The following RBFOX1 variants were observed in gnomAD, a reference collection of about 807,000 sequenced individuals.
RBFOX1 encodes the protein RNA binding protein fox-1 homolog 1.
RBFOX1 carries 8 observed loss-of-function variants against 57.7 expected under a neutral mutation model. The observed-to-expected ratio is 0.14, with a 90% CI of 0.08 to 0.25. RBFOX1 has a LOEUF of 0.25. RBFOX1 is among the 10% of genes least tolerant of loss of function. The probability of loss-of-function intolerance (pLI) is 1.00; values close to 1 mark genes in which losing one functional copy is unlikely to be tolerated. For missense variants in RBFOX1, 611 were observed against 548.5 expected, an observed-to-expected ratio of 1.11 and a Z score of -1.14; for synonymous variants, 326 against 222.4, an observed-to-expected ratio of 1.47 and a Z score of -4.15.
At chr16:6,256,357 G>T (rs1404194703) in intron 1 of RBFOX1, among the ~76,000 whole-genome samples, 2 of 147,256 alleles carry the variant, frequency 1.4e-5, no homozygotes, top group Non-Finnish European at 3.0e-5. Context: ...TCCAAGAAGG[G>T]GAAGAGGTTG....
rs2083429732 is a variant in RBFOX1 at position 7,709,089 on chromosome 16, C to T, written c.1029C>T (p.His343=). The change falls in exon 15 of 16, where the codon CAC becomes CAT. Residue 343 remains histidine, a synonymous_variant. Transcript: ENST00000550418. ...YGRVYAADPY[H]HALAPAPTYG... ...GAGTTTATGCTGCCGACCCCTACCA[C>T]CACGCACTTGCTCCAGCCCCCACCT... 1 of 1,613,672 alleles carries T rather than the reference C, an allele frequency of 6.2e-7. No homozygotes were observed. Among genetic ancestry groups the T allele is most frequent in the African/African-American group, 1.3e-5 (1 of 75,016 alleles).
chr16:6,370,626 T>C (rs898764063), intron 2 of RBFOX1, among the ~76,000 whole-genome samples: 1 of 152,096 alleles, frequency 6.6e-6, no homozygotes, highest in Non-Finnish European at 1.5e-5. Flanking sequence ...TTCAGGTACC[T>C]AGGATAGTCA....
chr16:5,378,828 C>T (rs2066057417), intron 1 of RBFOX1, among the ~76,000 whole-genome samples: 1 of 151,608 alleles, frequency 6.6e-6, no homozygotes, highest in African/African-American at 2.4e-5. Flanking sequence ...ACAGTAGGTG[C>T]TTAGAAAATG....
intron 3 of RBFOX1, among the ~76,000 whole-genome samples, chr16:7,042,715 C>A (rs2046572799): frequency 6.6e-6 from 1 of 152,168 alleles, no homozygotes; most frequent in Non-Finnish European, 1.5e-5. Flanking sequence ...CATTTGAGGT[C>A]AGGAGTTCAA....
intron 2 of RBFOX1, among the ~76,000 whole-genome samples, chr16:5,583,358 T>G (rs138595329): frequency 0.013 from 1,961 of 152,354 alleles, 40 homozygotes; most frequent in African/African-American, 0.044. Context: ...TCTGTAATAA[T>G]AGCTGAGTGT....
chr16:7,693,144 A>G (rs1297442449), intron 14 of RBFOX1, among the ~76,000 whole-genome samples: 1 of 152,102 alleles, frequency 6.6e-6, no homozygotes, highest in Non-Finnish European at 1.5e-5. Context: ...AGGTCCCCGC[A>G]TGCTTATTTC....
At chr16:7,628,738 G>C (rs967254461) in intron 10 of RBFOX1, among the ~76,000 whole-genome samples, 8 of 151,976 alleles carry the variant, frequency 5.3e-5, no homozygotes, top group African/African-American at 1.9e-4. Context: ...TCAGTCTCCT[G>C]AGTAGCTGGA....
chr16:5,472,682 C>T (rs1387823607), intron 2 of RBFOX1, among the ~76,000 whole-genome samples: 1 of 152,190 alleles, frequency 6.6e-6, no homozygotes, highest in Non-Finnish European at 1.5e-5. Context: ...TTCACAGCGC[C>T]TTCCCTGTTT....
intron 4 of RBFOX1, among the ~76,000 whole-genome samples, chr16:7,162,714 G>A (rs775078770): frequency 6.6e-6 from 1 of 152,148 alleles, no homozygotes; most frequent in Non-Finnish European, 1.5e-5. Flanking sequence ...GGGTAACAGA[G>A]TGAGACCGTA....
intron 11 of RBFOX1, among the ~76,000 whole-genome samples, chr16:7,651,701 T>G (rs2065098342): frequency 6.6e-6 from 1 of 152,176 alleles, no homozygotes; most frequent in Non-Finnish European, 1.5e-5. Flanking sequence ...CCCTGCCCCT[T>G]GAGAGGTTTG....
chr16:7,260,690 TAA>T (rs2094884351), intron 4 of RBFOX1, among the ~76,000 whole-genome samples: 1 of 152,190 alleles, frequency 6.6e-6, no homozygotes, highest in Admixed American at 6.5e-5. Context: ...TCTAATGTTC[TAA>T]TGAGAATATT....
chr16:5,842,310 C>T (rs1464234283), intron 3 of RBFOX1, among the ~76,000 whole-genome samples: 1 of 152,016 alleles, frequency 6.6e-6, no homozygotes, highest in Non-Finnish European at 1.5e-5. Context: ...GTTGTTCCCT[C>T]CTAAGCTGAT....
chr16:6,783,814 C>T (rs2081446181), intron 3 of RBFOX1, among the ~76,000 whole-genome samples: 1 of 152,078 alleles, frequency 6.6e-6, no homozygotes, highest in African/African-American at 2.4e-5. Flanking sequence ...TTCAGCATTC[C>T]TTATAAGACA....
chr16:5,667,682 T>C (rs1021973767), intron 3 of RBFOX1, among the ~76,000 whole-genome samples: 2 of 152,244 alleles, frequency 1.3e-5, no homozygotes, highest in Non-Finnish European at 2.9e-5. Context: ...TCTTTTCATT[T>C]ATCCTTTCTA....
intron 3 of RBFOX1, among the ~76,000 whole-genome samples, chr16:6,812,023 A>G (rs1159057505): frequency 6.6e-6 from 1 of 152,190 alleles, no homozygotes; most frequent in Non-Finnish European, 1.5e-5. Flanking sequence ...CTCCAGATAA[A>G]TAGTGCAGTA....
intron 2 of RBFOX1, among the ~76,000 whole-genome samples, chr16:6,420,684 C>CT (rs2093747744): frequency 1.3e-5 from 2 of 152,188 alleles, no homozygotes; most frequent in African/African-American, 4.8e-5. Context: ...AAGTTCCCAG[C>CT]TTGTGCTACT....
chr16:6,110,030 C>T (rs1474091925), intron 1 of RBFOX1, among the ~76,000 whole-genome samples: 1 of 151,966 alleles, frequency 6.6e-6, no homozygotes, highest in Non-Finnish European at 1.5e-5. Context: ...TAATACCACA[C>T]ATGGAATAAA....
intron 3 of RBFOX1, among the ~76,000 whole-genome samples, chr16:5,713,503 T>C (rs1401679376): frequency 1.3e-5 from 2 of 152,206 alleles, no homozygotes; most frequent in African/African-American, 4.8e-5. Context: ...CTCATCTTTG[T>C]TGACTCTTTG....
intron 4 of RBFOX1, among the ~76,000 whole-genome samples, chr16:5,906,287 G>T (rs2058454099): frequency 6.6e-6 from 1 of 152,122 alleles, no homozygotes; most frequent in Non-Finnish European, 1.5e-5. Context: ...AGTATGACTG[G>T]TTTCTTTGTA....
Sources: gnomAD v4.1 joint callset for allele counts (sites outside exome capture counted in the v4.1 genomes callset) on GRCh38, gnomAD v4.1.1 for gene constraint, MANE v1.5 for transcripts, NCBI Gene and HGNC (gene_info 2026-07-23, HGNC 2026-07-21) for gene names.